The following KIAA1217 variants were observed in gnomAD, a reference collection of about 807,000 sequenced individuals.
KIAA1217 encodes sickle tail protein homolog.
In KIAA1217, 88 loss-of-function variants were observed where a neutral mutation model predicts 163.9. The ratio of observed to expected loss-of-function variants is 0.54; its 90% CI spans 0.45 to 0.64. KIAA1217 has a LOEUF of 0.64. Among genes scored for constraint, KIAA1217 ranks in the 30% least tolerant of loss-of-function variants. KIAA1217 has a pLI of 0.00. For missense variants in KIAA1217, 2,372 were observed against 2,475.0 expected, an observed-to-expected ratio of 0.96 and a Z score of 0.88; for synonymous variants, 903 against 923.1, an observed-to-expected ratio of 0.98 and a Z score of 0.39.
chr10:24,031,543 G>A (rs528738735), intron 2 of KIAA1217, among the ~76,000 whole-genome samples: 6 of 152,160 alleles, frequency 3.9e-5, no homozygotes, highest in Admixed American at 3.3e-4. Flanking sequence ...CAAATGATCC[G>A]CCCACCTTGG....
intron 1 of KIAA1217, among the ~76,000 whole-genome samples, chr10:23,973,313 C>T (rs895610055): frequency 1.3e-5 from 2 of 152,190 alleles, no homozygotes; most frequent in African/African-American, 4.8e-5. Flanking sequence ...TTATTGTGCA[C>T]TTATTCTGCC....
At chr10:24,272,885 T>C (rs1225817142) in intron 2 of KIAA1217, among the ~76,000 whole-genome samples, 1 of 152,188 alleles carries the variant, frequency 6.6e-6, no homozygotes. Flanking sequence ...AAAGTCTTAA[T>C]GAAAAGAGCA....
intron 2 of KIAA1217, among the ~76,000 whole-genome samples, chr10:24,009,975 C>T (rs1313207613): frequency 1.3e-5 from 2 of 152,098 alleles, no homozygotes; most frequent in African/African-American, 2.4e-5. Context: ...ACTCATAAAA[C>T]ATTGCATAGA....
At chr10:24,367,241 C>G (rs543534316) in intron 2 of KIAA1217, 18 of 781,588 alleles carry the variant, frequency 2.3e-5, no homozygotes, top group African/African-American at 1.9e-4. Flanking sequence ...GAGTTGCACC[C>G]TCATCCTGCA....
At chr10:23,992,370 G>A (rs1846255654) in intron 1 of KIAA1217, among the ~76,000 whole-genome samples, 1 of 152,106 alleles carries the variant, frequency 6.6e-6, no homozygotes, top group South Asian at 2.1e-4. Flanking sequence ...TTCACGTGAT[G>A]GATCCAGAAG....
chr10:24,045,202 G>A (rs926820132), intron 2 of KIAA1217, among the ~76,000 whole-genome samples: 13 of 152,174 alleles, frequency 8.5e-5, no homozygotes, highest in African/African-American at 2.9e-4. Context: ...TTGATGAGAA[G>A]TCCTGTGTTG....
Position 24,446,387 on chromosome 10 carries a change from AAT to A in KIAA1217, c.846+7913_846+7914del, listed in dbSNP as rs575052603. Among the ~76,000 whole-genome samples the A allele has an allele frequency of 1.8e-3, 271 of 152,126 alleles. 2 individuals are homozygous for A. Among genetic ancestry groups the A allele is most frequent in the African/African-American group, 6.1e-3 (254 of 41,510 alleles). The stretch of plus-strand genomic sequence containing the variant: ...TCTCTTCTTTTCTGAGCACACTAAA[AAT>A]ATATCCATTAAAAAAAGAAAAGAAA... On this transcript the variant is annotated intron_variant, in intron 5 of 20. Transcript: ENST00000376454.
At chr10:24,274,863 A>C (rs943700544) in intron 2 of KIAA1217, among the ~76,000 whole-genome samples, 5 of 152,170 alleles carry the variant, frequency 3.3e-5, no homozygotes, top group Non-Finnish European at 7.3e-5. Context: ...AGGAATGCCA[A>C]ATAGTACTTC....
At chr10:23,963,946 T>C (rs1049037871) in intron 1 of KIAA1217, among the ~76,000 whole-genome samples, 3 of 150,866 alleles carry the variant, frequency 2.0e-5, no homozygotes, top group Non-Finnish European at 3.0e-5. Context: ...CAGGCTGGAG[T>C]GCAGTAGTGC....
chr10:24,056,535 A>G (rs1486235372), intron 2 of KIAA1217, among the ~76,000 whole-genome samples: 1 of 152,164 alleles, frequency 6.6e-6, no homozygotes, highest in African/African-American at 2.4e-5. Flanking sequence ...AAAAAAATCC[A>G]AAAGCCAAAA....
intron 2 of KIAA1217, among the ~76,000 whole-genome samples, chr10:24,365,402 T>TC (rs1277470259): frequency 3.5e-5 from 3 of 86,024 alleles, no homozygotes; most frequent in South Asian, 2.8e-4. Flanking sequence ...TTTTTTTTTG[T>TC]CCCCCTTTTC....
chr10:23,800,753 T>G (rs907691405), intron 1 of KIAA1217, among the ~76,000 whole-genome samples: 39 of 152,192 alleles, frequency 2.6e-4, no homozygotes, highest in African/African-American at 9.2e-4. Context: ...ATTAGAGAAA[T>G]GCAAATCAAA....
At chr10:24,123,043 T>TC (rs2063341061) in intron 2 of KIAA1217, among the ~76,000 whole-genome samples, 1 of 151,880 alleles carries the variant, frequency 6.6e-6, no homozygotes, top group African/African-American at 2.4e-5. Context: ...TTCTTTTCTC[T>TC]CCCCCTTCCT....
intron 2 of KIAA1217, among the ~76,000 whole-genome samples, chr10:24,118,109 A>G (rs940042049): frequency 5.3e-5 from 8 of 151,774 alleles, no homozygotes; most frequent in East Asian, 3.9e-4. Flanking sequence ...ATTTACCTCT[A>G]TAACAAACCT....
intron 2 of KIAA1217, among the ~76,000 whole-genome samples, chr10:24,186,038 C>T (rs2066413558): frequency 6.6e-6 from 1 of 152,030 alleles, no homozygotes; most frequent in South Asian, 2.1e-4. Context: ...CTTCCCTTCC[C>T]TTCTCCTCCC....
rs1839681287 is a variant in KIAA1217, at chr10:23,856,604, T to C, written c.-320-150621T>C. Among the ~76,000 whole-genome samples the C allele has an allele frequency of 2.0e-5, 3 of 152,262 alleles. No individual in the cohort carries two copies. The South Asian group carries it at 6.2e-4, about 31-fold the overall frequency. ...TGTCTTTTTGTTTGTCTGTGACCTG[T>C]GCCCAGAGGTGGAGCCTACAGAGGC... On this transcript the variant is annotated intron_variant, in intron 1 of 18. Transcript: ENST00000376462.
chr10:23,991,228 T>G (rs1156633618), intron 1 of KIAA1217, among the ~76,000 whole-genome samples: 2 of 152,242 alleles, frequency 1.3e-5, no homozygotes, highest in Non-Finnish European at 2.9e-5. Flanking sequence ...CCTGCTCCCA[T>G]GCAGCCACTT....
chr10:24,249,651 C>T (rs1323963343), intron 2 of KIAA1217, among the ~76,000 whole-genome samples: 2 of 152,192 alleles, frequency 1.3e-5, no homozygotes, highest in Non-Finnish European at 2.9e-5. Flanking sequence ...ACTTAAATCA[C>T]TGCAAGTAAG....
intron 5 of KIAA1217, among the ~76,000 whole-genome samples, chr10:24,470,264 C>T (rs1486142544): frequency 4.6e-5 from 7 of 152,174 alleles, no homozygotes; most frequent in Admixed American, 6.5e-5. Flanking sequence ...ATCCGTGTCG[C>T]TCTCCTGCAA....
Sources: allele counts gnomAD v4.1 joint callset (sites outside exome capture counted in the v4.1 genomes callset), GRCh38; gene constraint gnomAD v4.1.1; transcripts MANE v1.5; gene names NCBI Gene and HGNC (gene_info 2026-07-23, HGNC 2026-07-21).